Variants in ADCY2 observed in about 807,000 individuals in gnomAD.
ADCY2 encodes adenylate cyclase type 2.
In ADCY2, 31 loss-of-function variants were observed where a neutral mutation model predicts 125.2. That is an observed-to-expected ratio of 0.25 (90% CI 0.19 to 0.33). The LOEUF is 0.33. ADCY2 is among the 10% of genes least tolerant of loss of function. ADCY2 has a pLI of 1.00. For missense variants in ADCY2, 904 were observed against 1,418.2 expected (o/e 0.64, Z 5.82); for synonymous variants, 512 against 548.4 (o/e 0.93, Z 0.93).
chr5:7,695,999 C>T (rs1025425951), intron 6 of ADCY2, 136 bp downstream of exon 6: 5 of 571,080 alleles, frequency 8.8e-6, no homozygotes, highest in African/African-American at 3.9e-5. Flanking sequence ...TGTTGGATTT[C>T]TTTGCTATTG....
intron 15 of ADCY2, among the ~76,000 whole-genome samples, chr5:7,750,403 A>G (rs1377641722): frequency 1.3e-5 from 2 of 152,184 alleles, no homozygotes; most frequent in Non-Finnish European, 1.5e-5. Context: ...CATCTTCCAT[A>G]CTAGCATGGT....
intron 22 of ADCY2, among the ~76,000 whole-genome samples, chr5:7,810,365 C>T (rs927703959): frequency 1.3e-5 from 2 of 151,560 alleles, no homozygotes; most frequent in African/African-American, 4.9e-5. Context: ...GGGTTATCTG[C>T]TTGATTGGTG....
Position 7,812,732 on chromosome 5 carries a change from AC to A in ADCY2, c.2884-4131del, listed in dbSNP as rs1209491904. ...AGACCAACCTGGCCAACACGGTGAA[AC>A]CCTCTCTGTACTAAAAATACAAAAA... is the stretch of plus-strand genomic sequence containing the variant. On this transcript the variant is annotated intron_variant, in intron 22 of 24. Transcript: ENST00000338316. Among the ~76,000 whole-genome samples the A allele has an allele frequency of 7.2e-5, 11 of 152,058 alleles. 1 individual carries two copies. Among genetic ancestry groups the A allele is most frequent in the African/African-American group, 2.4e-4 (10 of 41,370 alleles).
At chr5:7,787,162 C>A (rs1181749640) in intron 19 of ADCY2, among the ~76,000 whole-genome samples, 1 of 152,168 alleles carries the variant, frequency 6.6e-6, no homozygotes, top group Non-Finnish European at 1.5e-5. Flanking sequence ...GGGAGGCTCT[C>A]GAAGCTGAGG....
At position 7,709,239 on chromosome 5, in the gene ADCY2, T is replaced by A. The variant is rs200097682; in HGVS notation, c.1430T>A (p.Phe477Tyr). ...GAACGACGGAGCCCCCAGCATCTCT[T>A]CAGACCTCGCCACACCCTTGATGGA... ...KGERRSPQHL[F>Y]RPRHTLDGAK... Residue 477 changes from phenylalanine to tyrosine, a missense_variant, in exon 10 of 25, where the codon TTC becomes TAC. Phe to Tyr is a conservative substitution (Grantham distance 22). Transcript: ENST00000338316. This position sits in a 1 kb window ranked among gnomAD's most constrained non-coding sequence, Gnocchi z 4.4. 72 of 1,613,226 alleles carry A rather than the reference T, an allele frequency of 4.5e-5. 1 individual carries two copies. Among genetic ancestry groups the A allele is most frequent in the Non-Finnish European group, 5.7e-5 (67 of 1,179,698 alleles).
chr5:7,465,120 ACTG>A, intron 2 of ADCY2, among the ~76,000 whole-genome samples: 2 of 152,314 alleles, frequency 1.3e-5, no homozygotes, highest in Admixed American at 6.5e-5. Context: ...GTTATCTCCC[ACTG>A]GGTCCTTCCC....
At position 7,802,168 on chromosome 5, in the gene ADCY2, G is replaced by T; in HGVS notation, c.2629-50G>T. The T allele has an allele frequency of 6.3e-7, 1 of 1,596,238 alleles. No homozygotes were observed. The highest frequency in any genetic ancestry group is 8.5e-7 in the Non-Finnish European group (1 of 1,171,872). ...AGCCACTTGCCTGTGGAGTGTTTCT[G>T]TTTAAAGGTCAGTCTCCTAGTGATC... On this transcript the variant is annotated intron_variant, in intron 20 of 24. Transcript: ENST00000338316. The surrounding 1 kb of genome is among the most constrained non-coding windows in gnomAD (Gnocchi z 4.6).
intron 2 of ADCY2, among the ~76,000 whole-genome samples, chr5:7,508,570 G>A (rs1330373407): frequency 6.6e-6 from 1 of 152,136 alleles, no homozygotes; most frequent in African/African-American, 2.4e-5. Context: ...CAAAAATATG[G>A]ACTGAGGCTT....
rs1475023258 is a variant in ADCY2 at position 7,766,820 on chromosome 5, A to C, written c.2214+14A>C. 1 of 1,605,934 alleles carries C rather than the reference A, an allele frequency of 6.2e-7. No individual in the cohort carries two copies. The highest frequency in any genetic ancestry group is 8.5e-7 in the Non-Finnish European group (1 of 1,177,768). On this transcript the variant is annotated intron_variant, in intron 17 of 24. Transcript: ENST00000338316. ...TTTTTCCTCCCGGTAAGAACATTGC[A>C]ATTATGACTGCTTTGGTGGCTCTCC...
chr5:7,751,430 C>T (rs971841377), intron 15 of ADCY2, among the ~76,000 whole-genome samples: 2 of 152,142 alleles, frequency 1.3e-5, no homozygotes, highest in Non-Finnish European at 2.9e-5. Flanking sequence ...GCCCCAGCCC[C>T]CAGATGGGAC....
chr5:7,418,600 T>A (rs1051304716), intron 2 of ADCY2, among the ~76,000 whole-genome samples: 1 of 149,672 alleles, frequency 6.7e-6, no homozygotes, highest in African/African-American at 2.5e-5. Flanking sequence ...GTCCATTCTA[T>A]GGGAATGGGG....
At chr5:7,552,126 A>T (rs1735364550) in intron 3 of ADCY2, among the ~76,000 whole-genome samples, 1 of 152,184 alleles carries the variant, frequency 6.6e-6, no homozygotes, top group African/African-American at 2.4e-5. Context: ...AAGAGTAATA[A>T]ATTGGCCATA....
intron 3 of ADCY2, among the ~76,000 whole-genome samples, chr5:7,596,276 C>CA (rs2126630488): frequency 6.7e-5 from 2 of 30,000 alleles, no homozygotes; most frequent in African/African-American, 2.5e-4. Context: ...TCCAAAAACT[C>CA]CCCCCCCCCA....
intron 2 of ADCY2, among the ~76,000 whole-genome samples, chr5:7,426,959 G>A (rs1048107983): frequency 9.9e-5 from 15 of 152,174 alleles, no homozygotes; most frequent in African/African-American, 3.4e-4. Context: ...TGCAATATTT[G>A]TGGTTGTCTG....
At chr5:7,780,875 T>C (rs10064100) in intron 18 of ADCY2, among the ~76,000 whole-genome samples, 122,814 of 152,096 alleles carry the variant, frequency 0.81, 50,169 homozygotes, top group Middle Eastern at 0.86. Flanking sequence ...CGTTGGGGTG[T>C]GGTGTTCTTT....
At chr5:7,690,112 A>T (rs1188454144) in intron 4 of ADCY2, among the ~76,000 whole-genome samples, 3 of 152,190 alleles carry the variant, frequency 2.0e-5, no homozygotes. Flanking sequence ...TTCCACCTGT[A>T]GTTTCTTATG....
At chr5:7,764,044 A>G (rs1296860684) in intron 16 of ADCY2, among the ~76,000 whole-genome samples, 1 of 152,222 alleles carries the variant, frequency 6.6e-6, no homozygotes, top group African/African-American at 2.4e-5. Context: ...CAGTGTGTTC[A>G]GAGAACTGGC....
chr5:7,700,479 A>G lies in ADCY2; in HGVS notation c.1109+2105A>G, dbSNP rs533066534. Reference sequence around the variant, plus strand: ...GGTTTTTGATTGTCCATTTTGGTAAATGATTTGACCTTATCCTCAACTTTT... The same window carrying G: ...GGTTTTTGATTGTCCATTTTGGTAAGTGATTTGACCTTATCCTCAACTTTT... On this transcript the variant is annotated intron_variant, in intron 7 of 24. Transcript: ENST00000338316. 3.5e-5 allele frequency among the ~76,000 whole-genome samples: 5 copies of G among 142,906 alleles called. No individual in the cohort carries two copies. In the East Asian group the frequency reaches 1.1e-3, roughly 30 times the overall value. 93.8% of individuals were successfully genotyped at this position (142,906 alleles called of 152,430 possible). A position where few individuals can be genotyped will look rare whatever the true frequency, so the allele number is the denominator to read the frequency against.
In ADCY2 at chr5:7,498,931, A is replaced by T. The variant is rs756513359; in HGVS notation, c.409-21807A>T. 7.4e-4 allele frequency among the ~76,000 whole-genome samples: 112 copies of T among 152,300 alleles called. 2 individuals carry two copies. Among genetic ancestry groups the T allele is most frequent in the Admixed American group, 4.1e-3 (62 of 15,300 alleles). On this transcript the variant is annotated intron_variant, in intron 2 of 24. Transcript: ENST00000338316. Reference sequence around the variant, plus strand: ...GCCAGAAAAAGCCAAGCATAAAAGGATATATGTTGTATGAGTCCATTCATA... The same window carrying T: ...GCCAGAAAAAGCCAAGCATAAAAGGTTATATGTTGTATGAGTCCATTCATA...
Sources: allele counts gnomAD v4.1 joint callset (sites outside exome capture counted in the v4.1 genomes callset), GRCh38; gene constraint gnomAD v4.1.1; non-coding constraint Gnocchi (gnomAD v3.1); transcripts MANE v1.5; gene names NCBI Gene and HGNC (gene_info 2026-07-23, HGNC 2026-07-21).